Variants in STEAP2 observed in about 807,000 individuals in gnomAD.
STEAP2 encodes the protein STEAP2 metalloreductase, also known as metalloreductase STEAP2.
A neutral mutation model predicts 46.4 loss-of-function variants in STEAP2; 30 were observed. The observed-to-expected ratio is 0.65, with a 90% CI of 0.48 to 0.88. The LOEUF (loss-of-function observed/expected upper bound fraction) is 0.88, where lower values mean the gene tolerates loss of function less well. Ranked by LOEUF, STEAP2 falls within the 40% of genes least tolerant of loss-of-function variation. STEAP2 has a pLI of 0.00. For missense variants in STEAP2, 513 were observed against 579.3 expected (o/e 0.89, Z 1.18); for synonymous variants, 180 against 200.5 (o/e 0.90, Z 0.86).
intron 2 of STEAP2, among the ~76,000 whole-genome samples, chr7:90,219,127 G>A (rs918437875): frequency 6.6e-6 from 1 of 151,664 alleles, no homozygotes; most frequent in Non-Finnish European, 1.5e-5. Context: ...TTTGTATGTC[G>A]ATTTTGTATC....
chr7:90,218,052 A>C (rs922727493), intron 2 of STEAP2, among the ~76,000 whole-genome samples: 1 of 152,060 alleles, frequency 6.6e-6, no homozygotes, highest in Non-Finnish European at 1.5e-5. Flanking sequence ...ATACCTATTA[A>C]CCATTTGTTT....
At position 90,234,255 on chromosome 7, in the gene STEAP2, C is replaced by G; in HGVS notation, c.*1631C>G. On this transcript the variant is annotated 3_prime_UTR_variant, in exon 6 of 6. Coordinates refer to ENST00000394621, the MANE Select transcript of STEAP2 (RefSeq NM_001244944.2). Reference sequence around the variant, plus strand: ...CTTCCACATTTAATTGCATTTTGCTCAAACTGTAGAATGCCCTACATTCCC... The same window carrying G: ...CTTCCACATTTAATTGCATTTTGCTGAAACTGTAGAATGCCCTACATTCCC... 1.2e-5 allele frequency: 12 copies of G among 985,366 alleles called. No homozygotes were observed. The highest frequency in any genetic ancestry group is 1.3e-5 in the Non-Finnish European group (11 of 829,916). The allele number at this position is 985,366 out of a possible 1,614,324, so 61.0% of individuals were successfully genotyped here.
downstream of STEAP2, among the ~76,000 whole-genome samples, chr7:90,240,661 C>T (rs1030606358): frequency 5.3e-5 from 8 of 152,082 alleles, no homozygotes; most frequent in African/African-American, 1.9e-4. This position sits in a 1 kb window ranked among gnomAD's most constrained non-coding sequence, Gnocchi z 4.1. Flanking sequence ...TATTTTAAAA[C>T]ATTTTTAGCT....
chr7:90,216,516 T>C lies in STEAP2; in HGVS notation c.-121T>C, dbSNP rs1795022385. 1 of 152,044 alleles carries C rather than the reference T, an allele frequency of 6.6e-6. No individual in the cohort carries two copies. The highest frequency in any genetic ancestry group is 1.5e-5 in the Non-Finnish European group (1 of 68,008). 9.4% of individuals were successfully genotyped at this position (152,044 alleles called of 1,614,324 possible). ...AAAGTGAAGAGAGGAAATTGGAAAATTGTGAGTGGACCTTCTGATACTGCT... is the reference window on the plus strand; with the variant it reads ...AAAGTGAAGAGAGGAAATTGGAAAACTGTGAGTGGACCTTCTGATACTGCT... On this transcript the variant is annotated 5_prime_UTR_variant, in exon 2 of 6. Transcript: ENST00000394621.
intron 2 of STEAP2, among the ~76,000 whole-genome samples, chr7:90,218,703 G>C (rs767927143): frequency 1.3e-5 from 2 of 152,058 alleles, no homozygotes; most frequent in Non-Finnish European, 2.9e-5. Context: ...AAGTCAGGTA[G>C]TGTGATGCCT....
Position 90,236,186 on chromosome 7 carries a change from T to A in STEAP2, c.*3562T>A, listed in dbSNP as rs1795953456. On this transcript the variant is annotated 3_prime_UTR_variant, in exon 6 of 6. Transcript: ENST00000394621. ...ATTTCATAATAAATTCTGTACAGTTTCCCCCCAAAAAAGAGATTTATTTAT... is the reference window on the plus strand; with the variant it reads ...ATTTCATAATAAATTCTGTACAGTTACCCCCCAAAAAAGAGATTTATTTAT... 1.4e-6 allele frequency: 1 copy of A among 739,866 alleles called. No homozygotes were observed. Among genetic ancestry groups the A allele is most frequent in the South Asian group, 6.3e-5 (1 of 15,770 alleles). The allele number at this position is 739,866 out of a possible 1,614,324, so 45.8% of individuals were successfully genotyped here. A position where few individuals can be genotyped will look rare whatever the true frequency, so the allele number is the denominator to read the frequency against.
intron 3 of STEAP2, among the ~76,000 whole-genome samples, chr7:90,225,783 A>T (rs1005826757): frequency 6.6e-6 from 1 of 152,198 alleles, no homozygotes; most frequent in African/African-American, 2.4e-5. Context: ...AAATAACGTG[A>T]AAGTCATCCA....
intron 5 of STEAP2, among the ~76,000 whole-genome samples, chr7:90,231,843 G>T (rs1795765581): frequency 6.6e-6 from 1 of 151,948 alleles, no homozygotes; most frequent in Non-Finnish European, 1.5e-5. Flanking sequence ...TTAAGGAAAA[G>T]CTAGATGTTT....
At chr7:90,215,277 C>G (rs140111304) in intron 1 of STEAP2, 1 of 152,158 alleles carries the variant, frequency 6.6e-6, no homozygotes, top group South Asian at 2.1e-4. Flanking sequence ...GTGGACAGCC[C>G]TTTCAGAGTT....
intron 5 of STEAP2, among the ~76,000 whole-genome samples, chr7:90,230,733 A>G (rs188831778): frequency 5.3e-5 from 8 of 152,086 alleles, no homozygotes; most frequent in Admixed American, 5.2e-4. Flanking sequence ...GACCCTTCCT[A>G]TATTTTCACA....
chr7:90,238,201 T>G, downstream of STEAP2: 6 of 712,144 alleles, frequency 8.4e-6, no homozygotes, highest in South Asian at 9.0e-5. Context: ...ACTGTGCCAC[T>G]GACAAGGAGT....
At chr7:90,224,279 G>C (rs1795383370) in intron 2 of STEAP2, among the ~76,000 whole-genome samples, 2 of 152,116 alleles carry the variant, frequency 1.3e-5, no homozygotes, top group African/African-American at 4.8e-5. Flanking sequence ...AGTGTGCCAT[G>C]TCAGTTCACT....
intron 5 of STEAP2, among the ~76,000 whole-genome samples, chr7:90,231,288 T>C (rs559397859): frequency 1.3e-5 from 2 of 151,990 alleles, no homozygotes; most frequent in African/African-American, 2.4e-5. Flanking sequence ...TATTTGCCTA[T>C]TAACCAGTGT....
chr7:90,213,271 A>G (rs1387623701), intron 1 of STEAP2, among the ~76,000 whole-genome samples: 1 of 152,196 alleles, frequency 6.6e-6, no homozygotes, highest in Non-Finnish European at 1.5e-5. Flanking sequence ...TTTTTATTGT[A>G]CTGGTGCTAT....
At chr7:90,219,915 G>A (rs115797966) in intron 2 of STEAP2, among the ~76,000 whole-genome samples, 234 of 152,126 alleles carry the variant, frequency 1.5e-3, no homozygotes, top group African/African-American at 5.4e-3. Flanking sequence ...TTGTAGAGAC[G>A]AGGGTCTCAT....
chr7:90,223,565 T>C (rs1200126503), intron 2 of STEAP2, among the ~76,000 whole-genome samples: 1 of 152,256 alleles, frequency 6.6e-6, no homozygotes, highest in East Asian at 1.9e-4. Context: ...TGATAACAAG[T>C]AACAAGTGAA....
intron 4 of STEAP2, among the ~76,000 whole-genome samples, chr7:90,229,648 G>A (rs1795650875): frequency 1.3e-5 from 2 of 152,128 alleles, no homozygotes. Context: ...ACGTATACAA[G>A]GAAAGAGAAA....
At position 90,225,372 on chromosome 7, in the gene STEAP2, A is replaced by G; in HGVS notation, c.290A>G (p.His97Arg). ...NIIFVAIHRE[H>R]YTSLWDLRHL... Reference sequence around the variant, plus strand: ...ATATTTGTTGCTATACACAGAGAACATTATACCTCCCTGTGGGACCTGAGA... The same window carrying G: ...ATATTTGTTGCTATACACAGAGAACGTTATACCTCCCTGTGGGACCTGAGA... Residue 97 changes from histidine (H) to arginine (R), a missense_variant, in exon 3 of 6, where the codon CAT becomes CGT. Physicochemically the swap from His to Arg is conservative, Grantham distance 29. Coordinates refer to ENST00000394621, the MANE Select transcript of STEAP2 (RefSeq NM_001244944.2). 1 of 1,613,866 alleles carries G rather than the reference A, an allele frequency of 6.2e-7. No homozygotes were observed.
At position 90,233,730 on chromosome 7, in the gene STEAP2, T is replaced by C; in HGVS notation, c.*1106T>C. ...GTGAGCATTCAAGTCCAGGTAGTCA[T>C]ATTCCAGAGGCCACGGTTTTAACCA... is the stretch of plus-strand genomic sequence containing the variant. On this transcript the variant is annotated 3_prime_UTR_variant, in exon 6 of 6. Transcript: ENST00000394621. The C allele has an allele frequency of 1.0e-6, 1 of 982,728 alleles. No individual in the cohort carries two copies. The highest frequency in any genetic ancestry group is 1.2e-6 in the Non-Finnish European group (1 of 827,508). The allele number at this position is 982,728 out of a possible 1,614,324, so 60.9% of individuals were successfully genotyped here.
Sources: allele counts gnomAD v4.1 joint callset (sites outside exome capture counted in the v4.1 genomes callset), GRCh38; gene constraint gnomAD v4.1.1; non-coding constraint Gnocchi (gnomAD v3.1); transcripts MANE v1.5; gene names NCBI Gene and HGNC (gene_info 2026-07-23, HGNC 2026-07-21).